M1AP: variants seen among roughly 807,000 people sequenced by gnomAD.
The protein encoded by M1AP is meiosis 1 associated protein.
Under a neutral mutation model 51.2 loss-of-function variants are expected in M1AP, and 39 were observed. The ratio of observed to expected loss-of-function variants is 0.76; its 90% CI spans 0.59 to 1.00. M1AP has a LOEUF of 1.00. Ranked by LOEUF, M1AP falls within the 50% of genes least tolerant of loss-of-function variation. The probability of loss-of-function intolerance (pLI) is 0.00; values close to 1 mark genes in which losing one functional copy is unlikely to be tolerated. For missense variants in M1AP, 545 were observed against 641.2 expected (o/e 0.85, Z 1.62); for synonymous variants, 251 against 249.2 (o/e 1.01, Z -0.07).
Position 74,558,648 on chromosome 2 carries a change from G to A in M1AP, c.*68C>T, listed in dbSNP as rs1246149607. 6.4e-7 allele frequency: 1 copy of A among 1,565,792 alleles called. No homozygotes were observed. Among genetic ancestry groups the A allele is most frequent in the Non-Finnish European group, 8.7e-7 (1 of 1,148,222 alleles). ...CGGATAGAGAGCAAGTCTGACCACA[G>A]ATAGCCATTATGTGAACCTGAGCAT... is the stretch of plus-strand genomic sequence containing the variant. On this transcript the variant is annotated 3_prime_UTR_variant, in exon 11 of 11. Transcript: ENST00000421985.
At chr2:74,617,221 G>A (rs992211993) in intron 2 of M1AP, among the ~76,000 whole-genome samples, 12 of 152,090 alleles carry the variant, frequency 7.9e-5, no homozygotes, top group Non-Finnish European at 1.5e-4. Context: ...ACAACTATAG[G>A]ACAGACACAG....
chr2:74,601,001 C>G (rs1360809120), intron 4 of M1AP, among the ~76,000 whole-genome samples: 1 of 151,892 alleles, frequency 6.6e-6, no homozygotes, highest in Non-Finnish European at 1.5e-5. Flanking sequence ...TTGTTTGTGC[C>G]AGGCACTGTT....
chr2:74,604,741 C>A (rs569981049), intron 4 of M1AP, among the ~76,000 whole-genome samples: 9 of 152,226 alleles, frequency 5.9e-5, no homozygotes, highest in Non-Finnish European at 1.0e-4. Context: ...CTTAGATTTA[C>A]TTATTTGTGC....
chr2:74,618,489 G>A (rs936187074), intron 2 of M1AP, among the ~76,000 whole-genome samples: 1 of 152,224 alleles, frequency 6.6e-6, no homozygotes, highest in Non-Finnish European at 1.5e-5. Flanking sequence ...AACCCCTTCA[G>A]TCACAACAGT....
In M1AP at chr2:74,642,281, A is replaced by C. The variant is rs1683342528; in HGVS notation, c.-52-1954T>G. Among the ~76,000 whole-genome samples the C allele has an allele frequency of 3.9e-5, 6 of 152,294 alleles. No individual in the cohort carries two copies. The South Asian group carries it at 1.2e-3, about 32-fold the overall frequency. ...AATTGAAACTAATAATATACAAAAA[A>C]AAACAGCATGACCAAGTTGAGTTTA... On this transcript the variant is annotated intron_variant, in intron 1 of 10. Coordinates refer to ENST00000421985, the MANE Select transcript of M1AP (RefSeq NM_001321739.2).
intron 2 of M1AP, among the ~76,000 whole-genome samples, chr2:74,631,999 G>A (rs983157992): frequency 2.0e-5 from 3 of 152,292 alleles, no homozygotes; most frequent in East Asian, 1.9e-4. Context: ...ATGTTTTTCC[G>A]TAAGCAAAGA....
chr2:74,588,844 T>C (rs569788813), intron 4 of M1AP, among the ~76,000 whole-genome samples: 16 of 152,376 alleles, frequency 1.1e-4, no homozygotes, highest in South Asian at 2.1e-4. Flanking sequence ...TGTCATTCAT[T>C]CATTTGCTTA....
At chr2:74,559,039 C>G (rs766818175) in intron 10 of M1AP, among the ~76,000 whole-genome samples, 165 bp from the exon 11 acceptor site, 15 of 152,244 alleles carry the variant, frequency 9.9e-5, no homozygotes, top group Non-Finnish European at 2.2e-4. Context: ...CCAGCCTCCA[C>G]AGTGCCTGTC....
intron 1 of M1AP, chr2:74,647,874 A>G (rs1031187281): frequency 5.9e-5 from 19 of 319,500 alleles, no homozygotes; most frequent in Non-Finnish European, 8.6e-5. Flanking sequence ...AGCTTGGGCA[A>G]CAAGGGTGAA....
chr2:74,606,713 A>G (rs1681026851), intron 4 of M1AP, among the ~76,000 whole-genome samples: 1 of 152,028 alleles, frequency 6.6e-6, no homozygotes, highest in Admixed American at 6.6e-5. Context: ...AGTTTTCATT[A>G]TTAGGATATA....
chr2:74,645,648 CT>C (rs1475134219), intron 1 of M1AP, among the ~76,000 whole-genome samples: 1 of 152,176 alleles, frequency 6.6e-6, no homozygotes, highest in Non-Finnish European at 1.5e-5. Flanking sequence ...CTAGAAATTT[CT>C]GCATCAACTC....
chr2:74,586,367 C>T (rs896614461), intron 4 of M1AP, among the ~76,000 whole-genome samples: 1 of 152,166 alleles, frequency 6.6e-6, no homozygotes, highest in Admixed American at 6.5e-5. Context: ...ACAGTGACTC[C>T]CTCCTCCTCA....
At chr2:74,561,939 C>G in intron 8 of M1AP, 1 of 985,408 alleles carries the variant, frequency 1.0e-6, no homozygotes, top group Non-Finnish European at 1.2e-6. Context: ...CTCTAATTCC[C>G]AGTCATCACT....
chr2:74,608,802 ATTG>A (rs1681160289), intron 3 of M1AP, among the ~76,000 whole-genome samples: 1 of 152,126 alleles, frequency 6.6e-6, no homozygotes, highest in South Asian at 2.1e-4. Flanking sequence ...GTGGTATTTC[ATTG>A]TTGTTTTAAT....
At chr2:74,560,883 T>G (rs1391736065) in intron 8 of M1AP, among the ~76,000 whole-genome samples, 1 of 151,968 alleles carries the variant, frequency 6.6e-6, no homozygotes, top group African/African-American at 2.4e-5. Flanking sequence ...AAGAGCACAA[T>G]CCCAGGCCTT....
At chr2:74,584,632 T>C (rs544046706) in intron 4 of M1AP, among the ~76,000 whole-genome samples, 2 of 151,114 alleles carry the variant, frequency 1.3e-5, no homozygotes, top group Non-Finnish European at 3.0e-5. Flanking sequence ...GAGGGAGCAA[T>C]GCAAAGCCAT....
At chr2:74,630,911 C>CTACTCTGTTTT (rs1170009761) in intron 2 of M1AP, among the ~76,000 whole-genome samples, 2 of 152,226 alleles carry the variant, frequency 1.3e-5, no homozygotes, top group Non-Finnish European at 2.9e-5. Context: ...ACTCCGTACT[C>CTACTCTGTTTT]TACTCTGTTT....
intron 4 of M1AP, among the ~76,000 whole-genome samples, chr2:74,587,954 G>T (rs1384977692): frequency 1.5e-5 from 2 of 133,240 alleles, no homozygotes; most frequent in East Asian, 1.1e-3. Context: ...TTAAAATAGG[G>T]TTATAAAATT....
intron 4 of M1AP, among the ~76,000 whole-genome samples, chr2:74,593,035 T>C (rs1002345507): frequency 6.6e-6 from 1 of 152,188 alleles, no homozygotes; most frequent in Admixed American, 6.5e-5. Flanking sequence ...TGATTTCAGA[T>C]AGAAAGTGGC....
Sources: gnomAD v4.1 joint callset for allele counts (sites outside exome capture counted in the v4.1 genomes callset) on GRCh38, gnomAD v4.1.1 for gene constraint, MANE v1.5 for transcripts, NCBI Gene and HGNC (gene_info 2026-07-23, HGNC 2026-07-21) for gene names.